Variants in ARHGEF11 observed in about 807,000 individuals in gnomAD.
The protein encoded by ARHGEF11 is Rho guanine exchange factor (GEF) 11.
ARHGEF11 carries 55 observed loss-of-function variants against 193.7 expected under a neutral mutation model. That is an observed-to-expected ratio of 0.28 (90% confidence interval 0.23 to 0.36). ARHGEF11 has a LOEUF of 0.36. Among genes scored for constraint, ARHGEF11 ranks in the 10% least tolerant of loss-of-function variants. ARHGEF11 has a pLI of 1.00. For missense variants in ARHGEF11, 1,723 were observed against 2,005.6 expected (o/e 0.86, Z 2.69); for synonymous variants, 693 against 768.0 (o/e 0.90, Z 1.62).
chr1:156,982,572 TCACA>T (rs1571350508), intron 3 of ARHGEF11, among the ~76,000 whole-genome samples: 1 of 151,932 alleles, frequency 6.6e-6, no homozygotes. Flanking sequence ...CACACAACTC[TCACA>T]CACACAGACT....
chr1:156,971,038 T>C (rs186445156), intron 8 of ARHGEF11, among the ~76,000 whole-genome samples: 5 of 152,368 alleles, frequency 3.3e-5, no homozygotes, highest in East Asian at 1.9e-4. Flanking sequence ...TTAATTCCTA[T>C]TGGCTTTGTC....
intron 15 of ARHGEF11, among the ~76,000 whole-genome samples, chr1:156,959,694 T>C (rs1215498640): frequency 6.6e-6 from 1 of 152,192 alleles, no homozygotes; most frequent in African/African-American, 2.4e-5. Flanking sequence ...TTCCTCCCCG[T>C]CACATGTGCC....
chr1:156,971,859 A>G (rs781094400), intron 7 of ARHGEF11, 43 bp from the exon 8 acceptor site: 15 of 1,591,048 alleles, frequency 9.4e-6, no homozygotes, highest in Admixed American at 3.4e-5. Flanking sequence ...GAAAAGGCAG[A>G]GGGGTGGTTA....
At position 156,944,073 on chromosome 1, in the gene ARHGEF11, G is replaced by A; in HGVS notation, c.3097C>T (p.Leu1033=). 1 of 1,614,090 alleles carries A rather than the reference G, an allele frequency of 6.2e-7. No homozygotes were observed. Among genetic ancestry groups the A allele is most frequent in the South Asian group, 1.1e-5 (1 of 91,074 alleles). The change falls in exon 32 of 41, where the codon CTA becomes TTA. Residue 1033 remains leucine, a synonymous_variant. Transcript: ENST00000368194. ...TCATCCTGTTTCTGTAGCAGCACTA[G>A]GAGGTCCTCCAGCAGCAGCACGTGG... ...DLHVLLLEDL[L]VLLQKQDEKL... is the part of the protein sequence containing the mutation.
intron 1 of ARHGEF11, among the ~76,000 whole-genome samples, chr1:157,042,098 A>G (rs1672823194): frequency 6.6e-6 from 1 of 152,212 alleles, no homozygotes; most frequent in Non-Finnish European, 1.5e-5. Context: ...GATTCAGTGC[A>G]GCTAGCTGGG....
intron 7 of ARHGEF11, among the ~76,000 whole-genome samples, chr1:156,975,137 C>A (rs751069096): frequency 6.6e-6 from 1 of 152,278 alleles, no homozygotes. Flanking sequence ...CCATCAATGG[C>A]GGAATAGATT....
chr1:156,953,578 C>T (rs1228772458), intron 21 of ARHGEF11, among the ~76,000 whole-genome samples: 2 of 152,028 alleles, frequency 1.3e-5, no homozygotes, highest in African/African-American at 4.8e-5. Context: ...AATTTAGTAA[C>T]TTTTAAACTA....
chr1:156,964,391 C>T (rs1222919883), intron 11 of ARHGEF11, among the ~76,000 whole-genome samples: 3 of 152,176 alleles, frequency 2.0e-5, no homozygotes, highest in Non-Finnish European at 4.4e-5. Context: ...TTTCTACTAA[C>T]TGTATTTCTC....
At chr1:157,043,610 T>A (rs1673018994) in intron 1 of ARHGEF11, among the ~76,000 whole-genome samples, 1 of 152,130 alleles carries the variant, frequency 6.6e-6, no homozygotes, top group South Asian at 2.1e-4. Context: ...TTTTGCAGAG[T>A]CAAGCTTATT....
chr1:156,999,502 C>G lies in ARHGEF11; in HGVS notation c.33-13329G>C, dbSNP rs545770473. On this transcript the variant is annotated intron_variant, in intron 1 of 40. Coordinates refer to ENST00000368194, the MANE Select transcript of ARHGEF11 (RefSeq NM_198236.3). ...GTCTTGCACCCAGGCAGAACTACAT[C>G]CCTAGCCTGGAAAGGAAAGATTCTC... 7.9e-5 allele frequency among the ~76,000 whole-genome samples: 12 copies of G among 152,144 alleles called. No homozygotes were observed. In the East Asian group the frequency reaches 2.3e-3, roughly 29 times the overall value.
At chr1:156,936,154 T>A (rs763535680) in intron 40 of ARHGEF11, 96 bp from the exon 41 acceptor site, 37 of 1,230,984 alleles carry the variant, frequency 3.0e-5, no homozygotes, top group Non-Finnish European at 4.2e-5. Context: ...GAACAGATCC[T>A]TCATCACCTT....
intron 18 of ARHGEF11, 61 bp downstream of exon 18, chr1:156,957,731 G>C: frequency 6.4e-7 from 1 of 1,554,644 alleles, no homozygotes; most frequent in Non-Finnish European, 8.9e-7. Flanking sequence ...GGAAAGCATA[G>C]TAGCTCAACC....
intron 1 of ARHGEF11, among the ~76,000 whole-genome samples, chr1:157,008,280 A>C (rs1485641129): frequency 2.6e-5 from 4 of 152,038 alleles, no homozygotes; most frequent in African/African-American, 7.2e-5. Context: ...TCTACCCTCC[A>C]ATGTGATGGC....
At chr1:157,028,555 A>G (rs72700741) in intron 1 of ARHGEF11, among the ~76,000 whole-genome samples, 2,424 of 152,304 alleles carry the variant, frequency 0.016, 36 homozygotes, top group Non-Finnish European at 0.021. Flanking sequence ...CAAAGATCAA[A>G]TAATACTATA....
chr1:156,970,136 T>A, intron 8 of ARHGEF11, 93 bp from the exon 9 acceptor site: 1 of 1,072,206 alleles, frequency 9.3e-7, no homozygotes, highest in Non-Finnish European at 1.4e-6. Flanking sequence ...TGCTTACAAT[T>A]AGTGGCCTCT....
intron 1 of ARHGEF11, among the ~76,000 whole-genome samples, chr1:157,032,320 G>A (rs1430347364): frequency 6.6e-6 from 1 of 152,130 alleles, no homozygotes; most frequent in African/African-American, 2.4e-5. Context: ...AATAGACAGT[G>A]AACAAAAGTT....
intron 11 of ARHGEF11, chr1:156,963,927 T>C (rs916203364): frequency 4.6e-6 from 1 of 215,358 alleles, no homozygotes; most frequent in Non-Finnish European, 8.0e-6. Context: ...CAACAGCTCC[T>C]GCTGGACTGC....
At chr1:156,955,448 G>A (rs913499156) in intron 20 of ARHGEF11, among the ~76,000 whole-genome samples, 9 of 152,168 alleles carry the variant, frequency 5.9e-5, no homozygotes, top group Non-Finnish European at 4.4e-5. Context: ...TCACGTGGTC[G>A]TTTGGTAGCT....
chr1:156,965,507 G>C (rs1661567937), intron 11 of ARHGEF11, among the ~76,000 whole-genome samples: 1 of 152,130 alleles, frequency 6.6e-6, no homozygotes, highest in Non-Finnish European at 1.5e-5. Flanking sequence ...AGAATTACTT[G>C]AGATTTTTTG....
Sources: gnomAD v4.1 joint callset for allele counts (sites outside exome capture counted in the v4.1 genomes callset) on GRCh38, gnomAD v4.1.1 for gene constraint, MANE v1.5 for transcripts, NCBI Gene and HGNC (gene_info 2026-07-23, HGNC 2026-07-21) for gene names.